SPATA7: variants seen among roughly 807,000 people sequenced by gnomAD.
SPATA7 encodes the protein spermatogenesis-associated protein 7.
Under a neutral mutation model 51.8 loss-of-function variants are expected in SPATA7, and 43 were observed. The ratio of observed to expected loss-of-function variants is 0.83; its 90% CI spans 0.65 to 1.07. The LOEUF (loss-of-function observed/expected upper bound fraction) is 1.07. Ranked by LOEUF, SPATA7 falls within the 50% of genes least tolerant of loss-of-function variation. The pLI is 0.00. For synonymous variants in SPATA7, 230 were observed against 252.8 expected (o/e 0.91, Z 0.86); for missense variants, 683 against 701.3 (o/e 0.97, Z 0.30).
chr14:88,463,916 C>T (rs1489312957), intron 4 of SPATA7, among the ~76,000 whole-genome samples: 1 of 152,030 alleles, frequency 6.6e-6, no homozygotes, highest in South Asian at 2.1e-4. Flanking sequence ...GGCGAGATCT[C>T]GGCTCACTGC....
chr14:88,425,266 T>A (rs1169562046), intron 5 of SPATA7, among the ~76,000 whole-genome samples: 1 of 152,180 alleles, frequency 6.6e-6, no homozygotes, highest in East Asian at 1.9e-4. Context: ...ATTATTCCTC[T>A]TCTATTCAAT....
At chr14:88,388,415 A>C (rs2075642012) in intron 1 of SPATA7, among the ~76,000 whole-genome samples, 1 of 152,180 alleles carries the variant, frequency 6.6e-6, no homozygotes, top group South Asian at 2.1e-4. Context: ...AATCTCATTG[A>C]CAAGATTTTA....
intron 4 of SPATA7, chr14:88,467,174 C>T (rs1018002491): frequency 5.9e-5 from 9 of 151,472 alleles, no homozygotes; most frequent in African/African-American, 2.0e-4. Context: ...AGTCATCTTA[C>T]ATACTCTTAG....
chr14:88,446,283 A>T (rs2077211846), intron 3 of SPATA7, among the ~76,000 whole-genome samples: 1 of 152,080 alleles, frequency 6.6e-6, no homozygotes, highest in Non-Finnish European at 1.5e-5. Context: ...AGGTGTTTGT[A>T]GTATTCTCTG....
At chr14:88,433,260 T>C (rs1327864518) in intron 10 of SPATA7, 48 bp downstream of exon 10, 2 of 1,176,706 alleles carry the variant, frequency 1.7e-6, no homozygotes, top group South Asian at 2.6e-5. Flanking sequence ...ACATTAAATA[T>C]TCTTCATATT....
chr14:88,401,064 A>G lies in SPATA7; in HGVS notation c.238+4861A>G, dbSNP rs1681920434. Among the ~76,000 whole-genome samples, 6 of 152,226 alleles carry G rather than the reference A, an allele frequency of 3.9e-5. No homozygotes were observed. In the South Asian group the frequency reaches 1.2e-3, roughly 32 times the overall value. ...CACAAGAAAAGAAAGCTACAGGCCAATATATCTGATTGATATAAGTGCAGA... is the reference window on the plus strand; with the variant it reads ...CACAAGAAAAGAAAGCTACAGGCCAGTATATCTGATTGATATAAGTGCAGA... On this transcript the variant is annotated intron_variant, in intron 4 of 11. Transcript: ENST00000393545.
downstream of SPATA7, among the ~76,000 whole-genome samples, chr14:88,459,294 G>A (rs539245220): frequency 2.0e-4 from 30 of 152,212 alleles, no homozygotes; most frequent in East Asian, 3.5e-3. Flanking sequence ...TTTCTGTCTC[G>A]TTTATCTGTC....
At chr14:88,447,030 G>A (rs1040612299) in intron 3 of SPATA7, among the ~76,000 whole-genome samples, 1 of 152,042 alleles carries the variant, frequency 6.6e-6, no homozygotes, top group Non-Finnish European at 1.5e-5. Flanking sequence ...TTCAATTCCT[G>A]GGTATCCTTG....
intron 2 of SPATA7, chr14:88,391,772 A>G (rs532119046): frequency 1.2e-4 from 45 of 365,826 alleles, no homozygotes; most frequent in Non-Finnish European, 2.0e-4. Flanking sequence ...AGTAGCAGGT[A>G]TTAAAGACGC....
downstream of SPATA7, among the ~76,000 whole-genome samples, chr14:88,456,908 G>A (rs993955231): frequency 5.6e-4 from 85 of 152,138 alleles, no homozygotes; most frequent in Non-Finnish European, 1.1e-3. Flanking sequence ...TATATAAGGT[G>A]TAAGGAAGGG....
Position 88,391,434 on chromosome 14 carries a change from C to T in SPATA7, c.73C>T (p.His25Tyr), listed in dbSNP as rs997239090. Residue 25 changes from histidine (H) to tyrosine (Y), a missense_variant, in exon 2 of 12, where the codon CAC becomes TAC. By Grantham distance (83) the His-to-Tyr change is moderately conservative. Transcript: ENST00000393545. The part of the protein sequence containing the change: ...RYGPPCLFKG[H>Y]LSTKSNAFCT... ...TGGTCCACCGTGCCTATTTAAAGGA[C>T]ACTTGAGCACCAAAAGTAATGGTAA... 1 of 1,613,686 alleles carries T rather than the reference C, an allele frequency of 6.2e-7. No individual in the cohort carries two copies. The highest frequency in any genetic ancestry group is 1.1e-5 in the South Asian group (1 of 91,042).
chr14:88,456,345 G>A (rs1304833420), downstream of SPATA7, among the ~76,000 whole-genome samples: 2 of 152,090 alleles, frequency 1.3e-5, no homozygotes, highest in Admixed American at 1.3e-4. Flanking sequence ...CACCAACAGT[G>A]TAAAAGTGTT....
Position 88,391,487 on chromosome 14 carries a change from T to A in SPATA7, c.94+32T>A, listed in dbSNP as rs746089833. The A allele has an allele frequency of 3.8e-6, 6 of 1,579,892 alleles. No individual in the cohort carries two copies. In the East Asian group the frequency reaches 1.3e-4, roughly 35 times the overall value. ...GAGGTGCTTAAAACGGCAGCTTTGT[T>A]AGAAGATTGTCTGAGTGTTTCCTTT... On this transcript the variant is annotated intron_variant, in intron 2 of 11. Coordinates refer to ENST00000393545, the MANE Select transcript of SPATA7 (RefSeq NM_018418.5).
At chr14:88,421,107 C>T (rs975075860) in intron 5 of SPATA7, among the ~76,000 whole-genome samples, 10 of 150,844 alleles carry the variant, frequency 6.6e-5, no homozygotes, top group African/African-American at 1.7e-4. Flanking sequence ...AGCGAAACTC[C>T]GTCTCAAAAA....
At position 88,469,789 on chromosome 14, in the gene SPATA7, C is replaced by T; in HGVS notation, c.255-58C>T. ...GAGATCCGGCAATGGATGCCTTTCT[C>T]ACATAGACGGCACATCTGAAACAGA... On this transcript the variant is annotated intron_variant, in intron 4 of 4. Transcript: ENST00000556406. This position sits in a 1 kb window ranked among gnomAD's most constrained non-coding sequence, Gnocchi z 4.3. 6.3e-7 allele frequency: 1 copy of T among 1,599,716 alleles called. No individual in the cohort carries two copies.
Position 88,391,366 on chromosome 14 carries a change from T to G in SPATA7, c.20-15T>G. On this transcript the variant is annotated splice_polypyrimidine_tract_variant and intron_variant, in intron 1 of 11. Coordinates refer to ENST00000393545, the MANE Select transcript of SPATA7 (RefSeq NM_018418.5). ...TCATTTATCCTAATTTATGATTTTT[T>G]TTTCTTGTTAAAAGTCAGAGCAACC... The G allele has an allele frequency of 6.2e-7, 1 of 1,606,914 alleles. No individual in the cohort carries two copies. The highest frequency in any genetic ancestry group is 1.3e-5 in the African/African-American group (1 of 74,902).
chr14:88,464,590 C>T (rs756445840), intron 4 of SPATA7, among the ~76,000 whole-genome samples: 4 of 151,948 alleles, frequency 2.6e-5, no homozygotes, highest in Non-Finnish European at 5.9e-5. Context: ...ATTAGCCGGG[C>T]GTAATGGCGC....
chr14:88,414,468 A>G (rs2076421660), intron 4 of SPATA7, among the ~76,000 whole-genome samples: 2 of 152,040 alleles, frequency 1.3e-5, no homozygotes, highest in Non-Finnish European at 1.5e-5. Flanking sequence ...TAATCTTGCT[A>G]ACAGTCTGTT....
At chr14:88,404,225 A>G (rs563338581) in intron 4 of SPATA7, among the ~76,000 whole-genome samples, 1 of 152,328 alleles carries the variant, frequency 6.6e-6, no homozygotes, top group South Asian at 2.1e-4. Context: ...ATATTGATAC[A>G]TACTTTTTAA....
Sources: allele counts gnomAD v4.1 joint callset (sites outside exome capture counted in the v4.1 genomes callset), GRCh38; gene constraint gnomAD v4.1.1; non-coding constraint Gnocchi (gnomAD v3.1); transcripts MANE v1.5; gene names NCBI Gene and HGNC (gene_info 2026-07-23, HGNC 2026-07-21).